RP1: variants seen among roughly 807,000 people sequenced by gnomAD.
RP1 encodes the protein oxygen-regulated protein 1.
Under a neutral mutation model 14.8 loss-of-function variants are expected in RP1, and 16 were observed. The observed-to-expected ratio is 1.08, with a 90% CI of 0.73 to 1.65. The LOEUF is 1.65. Ranked by LOEUF, RP1 falls within the 40% of genes most tolerant of loss-of-function variation. The pLI, the probability that RP1 is intolerant of heterozygous loss-of-function variation, is 0.00. For missense variants in RP1, 2,631 were observed against 2,535.0 expected (o/e 1.04, Z -0.81); for synonymous variants, 876 against 883.6 (o/e 0.99, Z 0.15).
rs117185314 is a variant in RP1 at position 54,812,124 on chromosome 8, C to T, written c.3616-25326C>T. On this transcript the variant is annotated intron_variant, in intron 24 of 28. Coordinates refer to the RP1 transcript ENST00000637698. ...TCATCAATACAATAAGAAATATGTACGTTTGTCAGATTTTTGTTTTCTTTT... is the reference window on the plus strand; with the variant it reads ...TCATCAATACAATAAGAAATATGTATGTTTGTCAGATTTTTGTTTTCTTTT... 4.6e-3 allele frequency among the ~76,000 whole-genome samples: 702 copies of T among 152,118 alleles called. 2 individuals are homozygous for T. The highest frequency in any genetic ancestry group is 7.7e-3 in the Admixed American group (118 of 15,270).
chr8:54,803,993 A>G (rs921378180), intron 24 of RP1, among the ~76,000 whole-genome samples: 19 of 152,200 alleles, frequency 1.2e-4, no homozygotes, highest in African/African-American at 4.6e-4. Context: ...GCTTGAACCC[A>G]GGAGGCGGAG....
At chr8:54,744,404 G>T (rs956818090) in intron 19 of RP1, among the ~76,000 whole-genome samples, 1 of 152,138 alleles carries the variant, frequency 6.6e-6, no homozygotes, top group Non-Finnish European at 1.5e-5. Context: ...CGAAGGGAAG[G>T]TTATGAAATA....
downstream of RP1, among the ~76,000 whole-genome samples, chr8:54,633,735 C>CTATATATATATA (rs1348966106): frequency 7.1e-5 from 9 of 126,490 alleles, no homozygotes; most frequent in African/African-American, 2.8e-4. Flanking sequence ...CTCTCTCTCT[C>CTATATATATATA]TCTATATATA....
chr8:54,627,858 G>A lies in RP1; in HGVS notation c.3976G>A (p.Ala1326Thr). ...AQKENHTYEG[A>T]CPIDETYVPV... is the part of the protein sequence containing the mutation. ...AAAGGAGAACCATACCTATGAGGGA[G>A]CTTGCCCAATTGATGAGACCTACGT... The change falls in exon 4 of 4, where the codon GCT (alanine) becomes ACT (threonine). Residue 1326 changes from alanine (A) to threonine (T), a missense_variant. By Grantham distance (58) the Ala-to-Thr change is moderately conservative. Coordinates refer to ENST00000220676, the MANE Select transcript of RP1 (RefSeq NM_006269.2). 1 of 1,614,136 alleles carries A rather than the reference G, an allele frequency of 6.2e-7. No homozygotes were observed.
At chr8:54,862,285 A>G (rs1262179348) in intron 27 of RP1, among the ~76,000 whole-genome samples, 1 of 152,194 alleles carries the variant, frequency 6.6e-6, no homozygotes, top group Non-Finnish European at 1.5e-5. Context: ...CCTACAGTAT[A>G]TAAGAACTTC....
Position 54,630,303 on chromosome 8 carries a change from A to T in RP1, c.6421A>T (p.Ile2141Leu). ...TCTTTTCATTTGGGAAGAGGAAGAC[A>T]TATTAAATTTAACTGATCTTGAAAG... ...ENLFIWEEED[I>L]LNLTDLESSR... The change falls in exon 4 of 4, where the codon ATA becomes TTA. Residue 2141 changes from isoleucine (I) to leucine (L), a missense_variant. By Grantham distance (5) the Ile-to-Leu change is conservative. Coordinates refer to ENST00000220676, the MANE Select transcript of RP1 (RefSeq NM_006269.2). The T allele has an allele frequency of 6.2e-7, 1 of 1,613,764 alleles. No individual in the cohort carries two copies. The highest frequency in any genetic ancestry group is 8.5e-7 in the Non-Finnish European group (1 of 1,179,786).
chr8:54,585,093 C>T (rs1311267917), intron 1 of RP1, among the ~76,000 whole-genome samples: 1 of 152,168 alleles, frequency 6.6e-6, no homozygotes, highest in Non-Finnish European at 1.5e-5. Context: ...TTCTTCCTAG[C>T]CTTGATGGTC....
intron 24 of RP1, among the ~76,000 whole-genome samples, chr8:54,817,425 G>A (rs572390398): frequency 6.6e-6 from 1 of 152,222 alleles, no homozygotes; most frequent in Middle Eastern, 3.4e-3. Flanking sequence ...TTGTGAGCCA[G>A]GGGAATGTTA....
intron 24 of RP1, among the ~76,000 whole-genome samples, chr8:54,790,302 G>C (rs562268646): frequency 6.6e-6 from 1 of 152,322 alleles, no homozygotes; most frequent in South Asian, 2.1e-4. Context: ...CTACCAGCTG[G>C]TCTGTCTAAA....
exon 22 of RP1, chr8:54,758,975 G>A (rs1809572181): frequency 3.3e-6 from 5 of 1,535,946 alleles, no homozygotes; most frequent in Non-Finnish European, 4.4e-6. Flanking sequence ...AGAAGGTGCT[G>A]TTGCGCTGTG....
intron 23 of RP1, among the ~76,000 whole-genome samples, chr8:54,782,248 T>A (rs935552556): frequency 1.3e-5 from 2 of 152,152 alleles, no homozygotes; most frequent in Non-Finnish European, 2.9e-5. Context: ...CCCTTTTGAG[T>A]TCTGCTGCCC....
In RP1 at chr8:54,583,690, G is replaced by T. The variant is rs59990972; in HGVS notation, c.-13+24370G>T. On this transcript the variant is annotated intron_variant, in intron 1 of 22. Transcript: ENST00000636932. Reference sequence around the variant, plus strand: ...CCTCAATTTCAGAGCCTGTTATTGGGCTATTCAGAGATTCAACTTCTTCCT... The same window carrying T: ...CCTCAATTTCAGAGCCTGTTATTGGTCTATTCAGAGATTCAACTTCTTCCT... Among the ~76,000 whole-genome samples, 857 of 152,138 alleles carry T rather than the reference G, an allele frequency of 5.6e-3. 9 individuals carry two copies. The highest frequency in any genetic ancestry group is 0.024 in the Admixed American group (373 of 15,270).
chr8:54,793,521 A>T lies in RP1; in HGVS notation c.3615+9811A>T, dbSNP rs563442533. Among the ~76,000 whole-genome samples the T allele has an allele frequency of 3.3e-5, 5 of 152,134 alleles. No homozygotes were observed. In the South Asian group the frequency reaches 1.0e-3, roughly 31 times the overall value. On this transcript the variant is annotated intron_variant, in intron 24 of 28. Coordinates refer to the RP1 transcript ENST00000637698. ...ATCCCTGGAGTGCAAGGATGGTTCA[A>T]TATGTACAAATTAATAATTGTGATA...
At chr8:54,816,131 C>A (rs780800793) in intron 24 of RP1, among the ~76,000 whole-genome samples, 31 of 152,100 alleles carry the variant, frequency 2.0e-4, no homozygotes, top group Admixed American at 3.9e-4. Context: ...CCCTCACTCT[C>A]CAATTATAAA....
In RP1 at chr8:54,625,777, C is replaced by A; in HGVS notation, c.1895C>A (p.Ser632Ter). The A allele has an allele frequency of 6.2e-7, 1 of 1,613,550 alleles. No homozygotes were observed. Among genetic ancestry groups the A allele is most frequent in the Non-Finnish European group, 8.5e-7 (1 of 1,179,986 alleles). ...AAAAATATTTCTGAGGCTCCAGCTT[C>A]AGAAGCATCCTCTACTGTCACTGCA... Reference protein sequence around the residue: ...TDKNISEAPASEASSTVTARI... With the variant: ...TDKNISEAPA Residue 632 changes from serine to a stop codon, truncating the protein, a stop_gained, in exon 4 of 4, where the codon TCA becomes TAA. Transcript: ENST00000220676. LOFTEE classifies it low-confidence loss of function (END_TRUNC).
rs2129318381 is a variant in RP1, at chr8:54,629,652, A to G, written c.5770A>G (p.Ile1924Val). 5 of 1,613,988 alleles carry G rather than the reference A, an allele frequency of 3.1e-6. No homozygotes were observed. In the Admixed American group the frequency reaches 5.0e-5, roughly 16 times the overall value. The change falls in exon 4 of 4, where the codon ATT becomes GTT. Residue 1924 changes from isoleucine to valine, a missense_variant. Transcript: ENST00000220676. ...CGQHCPILTVIIQPMNEEDRG... is the reference protein window; with the variant it reads ...CGQHCPILTVVIQPMNEEDRG... ...TCAACATTGCCCAATACTAACTGTTATTATCCAACCCATGAATGAGGAAGA... is the reference window on the plus strand; with the variant it reads ...TCAACATTGCCCAATACTAACTGTTGTTATCCAACCCATGAATGAGGAAGA...
At chr8:54,863,912 T>A (rs1282408245) in intron 27 of RP1, among the ~76,000 whole-genome samples, 2 of 152,220 alleles carry the variant, frequency 1.3e-5, no homozygotes, top group Non-Finnish European at 2.9e-5. Context: ...TCATGGTGCA[T>A]TTCTTATCAG....
chr8:54,661,031 A>G (rs954593133), intron 6 of RP1, among the ~76,000 whole-genome samples: 1 of 151,622 alleles, frequency 6.6e-6, no homozygotes, highest in Non-Finnish European at 1.5e-5. Flanking sequence ...ATAATAAGGA[A>G]GCCTGAGTGT....
At chr8:54,840,019 G>A (rs1811751994) in intron 25 of RP1, among the ~76,000 whole-genome samples, 1 of 152,084 alleles carries the variant, frequency 6.6e-6, no homozygotes, top group Non-Finnish European at 1.5e-5. Flanking sequence ...AGAAAATGAT[G>A]AAGTGGGAAA....
Sources: allele counts gnomAD v4.1 joint callset (sites outside exome capture counted in the v4.1 genomes callset), GRCh38; gene constraint gnomAD v4.1.1; transcripts MANE v1.5; gene names NCBI Gene and HGNC (gene_info 2026-07-23, HGNC 2026-07-21).